The following PTCD2 variants were observed in gnomAD, a reference collection of about 807,000 sequenced individuals.
PTCD2 encodes pentatricopeptide repeat domain 2.
A neutral mutation model predicts 42.6 loss-of-function variants in PTCD2; 31 were observed. The observed-to-expected ratio is 0.73, with a 90% confidence interval of 0.55 to 0.98. The LOEUF is 0.98. Among genes scored for constraint, PTCD2 ranks in the 50% least tolerant of loss-of-function variants. The pLI is 0.00. For missense variants in PTCD2, 476 were observed against 454.8 expected (o/e 1.05, Z -0.42); for synonymous variants, 183 against 170.9 (o/e 1.07, Z -0.55).
intron 6 of PTCD2, among the ~76,000 whole-genome samples, chr5:72,337,598 C>G (rs1001758052): frequency 1.3e-5 from 2 of 152,240 alleles, no homozygotes; most frequent in African/African-American, 4.8e-5. Context: ...GAGTTCGAGA[C>G]CAGCCTGGCC....
In PTCD2 at chr5:72,342,620, G is replaced by A. The variant is rs16877709; in HGVS notation, c.754-342G>A. Among the ~76,000 whole-genome samples the A allele has an allele frequency of 9.1e-3, 1,381 of 152,308 alleles. 35 individuals carry two copies. The highest frequency in any genetic ancestry group is 0.032 in the African/African-American group (1,325 of 41,558). ...AGTGTTTCCAGCTGTGCTGTGGCTTGAGGTTTCTATGTTCTAATTATGTAT... is the reference window on the plus strand; with the variant it reads ...AGTGTTTCCAGCTGTGCTGTGGCTTAAGGTTTCTATGTTCTAATTATGTAT... On this transcript the variant is annotated intron_variant, in intron 7 of 9. Coordinates refer to ENST00000380639, the MANE Select transcript of PTCD2 (RefSeq NM_024754.5).
At chr5:72,341,625 T>G (rs1752070241) in intron 7 of PTCD2, among the ~76,000 whole-genome samples, 1 of 152,068 alleles carries the variant, frequency 6.6e-6, no homozygotes, top group African/African-American at 2.4e-5. Flanking sequence ...ATGCCTGTAG[T>G]CCTTGCTGCT....
At chr5:72,321,341 T>A (rs1750833825) in intron 1 of PTCD2, 1 of 152,204 alleles carries the variant, frequency 6.6e-6, no homozygotes, top group Admixed American at 6.5e-5. Flanking sequence ...GCAAGAGAAG[T>A]ACCATTCTTT....
rs1751872973 is a variant in PTCD2 at position 72,338,487 on chromosome 5, G to T, written c.640-135G>T. ...TATTTGCAAATAGTCTTTATATGGG[G>T]CTTAATCTTTTAAGTGGCTTGAGGG... On this transcript the variant is annotated intron_variant, in intron 6 of 9. Transcript: ENST00000380639. 1.4e-5 allele frequency: 6 copies of T among 440,294 alleles called. No homozygotes were observed. In the South Asian group the frequency reaches 2.1e-4, roughly 15 times the overall value. The allele number at this position is 440,294 out of a possible 1,614,324, so 27.3% of individuals were successfully genotyped here. A position where few individuals can be genotyped will look rare whatever the true frequency, so the allele number is the denominator to read the frequency against.
chr5:72,322,435 T>G (rs374135341), intron 2 of PTCD2, among the ~76,000 whole-genome samples, 171 bp downstream of exon 2: 1 of 152,258 alleles, frequency 6.6e-6, no homozygotes, highest in African/African-American at 2.4e-5. Context: ...TTTCATACTT[T>G]GCTGCTACAA....
At chr5:72,327,750 G>T (rs1299795721) in intron 3 of PTCD2, among the ~76,000 whole-genome samples, 1 of 152,092 alleles carries the variant, frequency 6.6e-6, no homozygotes, top group Non-Finnish European at 1.5e-5. Flanking sequence ...GGGATTACAG[G>T]CATGAGCCAC....
At chr5:72,343,131 A>G in intron 8 of PTCD2, 95 bp downstream of exon 8, 2 of 520,784 alleles carry the variant, frequency 3.8e-6, no homozygotes, top group Non-Finnish European at 6.1e-6. Flanking sequence ...AGCTGTATAC[A>G]ATGACTTGCT....
intron 4 of PTCD2, among the ~76,000 whole-genome samples, chr5:72,331,910 A>G (rs993529416): frequency 6.6e-6 from 1 of 152,148 alleles, no homozygotes; most frequent in African/African-American, 2.4e-5. Flanking sequence ...TAAATGTTTC[A>G]TTTTATTTGT....
In PTCD2 at chr5:72,362,743, G is replaced by A. The variant is rs979975974; in HGVS notation, c.*4316G>A. The A allele has an allele frequency of 1.3e-5, 2 of 152,142 alleles. No homozygotes were observed. The highest frequency in any genetic ancestry group is 4.1e-4 in the South Asian group (2 of 4,822). 9.4% of individuals were successfully genotyped at this position (152,142 alleles called of 1,614,324 possible). ...GAATCTACAAAGGACAAGGCACTAC[G>A]AAAGACTCTACATGCCACAGGGAAA... is the stretch of plus-strand genomic sequence containing the variant. On this transcript the variant is annotated 3_prime_UTR_variant, in exon 10 of 10. Transcript: ENST00000380639.
intron 3 of PTCD2, among the ~76,000 whole-genome samples, chr5:72,330,752 G>T (rs1403566780): frequency 6.6e-6 from 1 of 152,174 alleles, no homozygotes; most frequent in Non-Finnish European, 1.5e-5. Context: ...TAGCCCAGGT[G>T]TACCTTTCTC....
chr5:72,336,331 T>G (rs540627282), intron 6 of PTCD2, among the ~76,000 whole-genome samples: 4 of 152,294 alleles, frequency 2.6e-5, no homozygotes, highest in Admixed American at 6.5e-5. Context: ...TATCCCTTAA[T>G]TTTGCTCTAT....
chr5:72,339,631 G>A (rs542900103), intron 7 of PTCD2, among the ~76,000 whole-genome samples: 13 of 152,076 alleles, frequency 8.5e-5, no homozygotes, highest in Non-Finnish European at 2.9e-5. Context: ...TGTCTTCTTA[G>A]TCAGTCATGA....
chr5:72,358,624 G>T lies in PTCD2; in HGVS notation c.*197G>T, dbSNP rs1753005097. 1 of 586,884 alleles carries T rather than the reference G, an allele frequency of 1.7e-6. No homozygotes were observed. Among genetic ancestry groups the T allele is most frequent in the Non-Finnish European group, 3.0e-6 (1 of 330,036 alleles). The allele number at this position is 586,884 out of a possible 1,614,324, so 36.4% of individuals were successfully genotyped here. ...CACCACTGTGAAGGTCTAGATGCAA[G>T]CTTGGCTCCCTCAGAAAGGCGCTTC... On this transcript the variant is annotated 3_prime_UTR_variant, in exon 10 of 10. Coordinates refer to ENST00000380639, the MANE Select transcript of PTCD2 (RefSeq NM_024754.5).
At chr5:72,339,883 G>C (rs1751964922) in intron 7 of PTCD2, among the ~76,000 whole-genome samples, 1 of 151,828 alleles carries the variant, frequency 6.6e-6, no homozygotes, top group South Asian at 2.1e-4. Context: ...CCCTCTTTTT[G>C]CTTGTTTTTC....
In PTCD2 at chr5:72,326,650, A is replaced by C. The variant is rs1257051637; in HGVS notation, c.259A>C (p.Asn87His). 6.2e-7 allele frequency: 1 copy of C among 1,614,210 alleles called. No individual in the cohort carries two copies. The highest frequency in any genetic ancestry group is 2.2e-5 in the East Asian group (1 of 44,892). ...FRNLKKKLTQ[N>H]KLILKGELIT... is the part of the protein sequence containing the mutation. ...AAACTTGAAAAAGAAACTGACCCAGAACAAGCTCATCTTGAAGGGGGAGTT... is the reference window on the plus strand; with the variant it reads ...AAACTTGAAAAAGAAACTGACCCAGCACAAGCTCATCTTGAAGGGGGAGTT... Residue 87 changes from asparagine (N) to histidine (H), a missense_variant, in exon 3 of 10, where the codon AAC becomes CAC. By Grantham distance (68) the Asn-to-His change is moderately conservative. Transcript: ENST00000380639.
chr5:72,335,899 C>T lies in PTCD2; in HGVS notation c.639+14C>T. Reference sequence around the variant, plus strand: ...TGCTACAAACTGGTAAGACTCTTTCCTCTTAACTTTGAGAGCATTGTGTGT... The same window carrying T: ...TGCTACAAACTGGTAAGACTCTTTCTTCTTAACTTTGAGAGCATTGTGTGT... On this transcript the variant is annotated intron_variant, in intron 6 of 9. Coordinates refer to ENST00000380639, the MANE Select transcript of PTCD2 (RefSeq NM_024754.5). The T allele has an allele frequency of 1.3e-6, 2 of 1,530,864 alleles. No homozygotes were observed. The highest frequency in any genetic ancestry group is 2.2e-5 in the East Asian group (1 of 44,462). 94.8% of individuals were successfully genotyped at this position (1,530,864 alleles called of 1,614,324 possible). A position where few individuals can be genotyped will look rare whatever the true frequency, so the allele number is the denominator to read the frequency against.
rs1182809858 is a variant in PTCD2 at position 72,366,805 on chromosome 5, C to CA, written c.*8380dup. ...AAAGTAGACCAATGTAAGTATCATG[C>CA]AATGTGTCCATGTGCGTGTACACGT... On this transcript the variant is annotated 3_prime_UTR_variant, in exon 10 of 10. Coordinates refer to ENST00000380639, the MANE Select transcript of PTCD2 (RefSeq NM_024754.5). The CA allele has an allele frequency of 6.6e-6, 1 of 152,240 alleles. No homozygotes were observed. Among genetic ancestry groups the CA allele is most frequent in the African/African-American group, 2.4e-5 (1 of 41,464 alleles). 9.4% of individuals were successfully genotyped at this position (152,240 alleles called of 1,614,324 possible). A position where few individuals can be genotyped will look rare whatever the true frequency, so the allele number is the denominator to read the frequency against.
chr5:72,320,806 A>G, intron 1 of PTCD2: 1 of 326,830 alleles, frequency 3.1e-6, no homozygotes, highest in Non-Finnish European at 5.7e-6. Context: ...ACTTTTATTT[A>G]TTTATTTATT....
At chr5:72,352,217 G>A (rs375290204) in intron 8 of PTCD2, among the ~76,000 whole-genome samples, 40 of 152,190 alleles carry the variant, frequency 2.6e-4, no homozygotes, top group African/African-American at 7.5e-4. Flanking sequence ...CCGCAATCTC[G>A]TCTCACTGCA....
Sources: allele counts gnomAD v4.1 joint callset (sites outside exome capture counted in the v4.1 genomes callset), GRCh38; gene constraint gnomAD v4.1.1; transcripts MANE v1.5; gene names NCBI Gene and HGNC (gene_info 2026-07-23, HGNC 2026-07-21).